Variants in PARP1 observed in about 807,000 individuals in gnomAD.
PARP1 encodes poly [ADP-ribose] polymerase 1.
In PARP1, 44 loss-of-function variants were observed where a neutral mutation model predicts 118.7. The ratio of observed to expected loss-of-function variants is 0.37; its 90% CI spans 0.29 to 0.48. The LOEUF (loss-of-function observed/expected upper bound fraction) is 0.48, where lower values mean the gene tolerates loss of function less well. PARP1 is among the 20% of genes least tolerant of loss of function. The probability of loss-of-function intolerance (pLI) is 0.99; values close to 1 mark genes in which losing one functional copy is unlikely to be tolerated. For synonymous variants in PARP1, 492 were observed against 483.2 expected, an observed-to-expected ratio of 1.02 and a Z score of -0.24; for missense variants, 1,100 against 1,272.4, an observed-to-expected ratio of 0.86 and a Z score of 2.06.
intron 8 of PARP1, among the ~76,000 whole-genome samples, chr1:226,382,452 T>C (rs1027940493): frequency 6.6e-6 from 1 of 152,196 alleles, no homozygotes; most frequent in African/African-American, 2.4e-5. Flanking sequence ...CAACTCCAGG[T>C]AAGGCTGTCG....
intron 17 of PARP1, chr1:226,367,035 G>A (rs1557059): frequency 3.8e-6 from 1 of 264,810 alleles, no homozygotes; most frequent in Non-Finnish European, 7.3e-6. Context: ...AAAAATGAAC[G>A]CAAGCATTGT....
chr1:226,379,784 C>A (rs900251941), intron 10 of PARP1, 138 bp downstream of exon 10: 94 of 1,436,680 alleles, frequency 6.5e-5, no homozygotes, highest in Non-Finnish European at 8.5e-5. Flanking sequence ...CACCCCAAAG[C>A]GCCTGCCATT....
At chr1:226,405,828 G>C (rs1163400137) in intron 1 of PARP1, among the ~76,000 whole-genome samples, 3 of 151,998 alleles carry the variant, frequency 2.0e-5, no homozygotes, top group African/African-American at 4.8e-5. Context: ...AAAAAGGCTC[G>C]CAAATGGCCA....
intron 13 of PARP1, among the ~76,000 whole-genome samples, chr1:226,375,980 A>G (rs1664479129): frequency 6.6e-6 from 1 of 152,204 alleles, no homozygotes; most frequent in Non-Finnish European, 1.5e-5. Flanking sequence ...GTGCCTTAGT[A>G]TTAATATTTC....
intron 8 of PARP1, among the ~76,000 whole-genome samples, chr1:226,382,679 G>A (rs1312964330): frequency 1.3e-5 from 2 of 152,122 alleles, no homozygotes; most frequent in African/African-American, 4.8e-5. Flanking sequence ...GCACATACTC[G>A]GATTAATTTT....
intron 5 of PARP1, 23 bp from the exon 6 acceptor site, chr1:226,386,465 G>A: frequency 7.0e-7 from 1 of 1,425,678 alleles, no homozygotes. Flanking sequence ...CCCAGTGGCT[G>A]AGAGGCTAGC....
At chr1:226,372,697 A>C (rs1664411964) in intron 14 of PARP1, among the ~76,000 whole-genome samples, 1 of 152,014 alleles carries the variant, frequency 6.6e-6, no homozygotes. Context: ...ACCAAACCAA[A>C]CACAAAACAA....
intron 4 of PARP1, among the ~76,000 whole-genome samples, chr1:226,389,404 T>A (rs1664781337): frequency 6.6e-6 from 1 of 152,234 alleles, no homozygotes. Flanking sequence ...CAGTCTCAGC[T>A]ATCACATAGA....
chr1:226,377,667 T>C (rs979303348), intron 12 of PARP1, among the ~76,000 whole-genome samples: 3 of 152,128 alleles, frequency 2.0e-5, no homozygotes, highest in Non-Finnish European at 4.4e-5. Flanking sequence ...AGTCAACCCT[T>C]ACAGCTGTAC....
intron 13 of PARP1, among the ~76,000 whole-genome samples, chr1:226,374,943 C>T (rs954669346): frequency 1.3e-5 from 2 of 152,322 alleles, no homozygotes; most frequent in East Asian, 1.9e-4. Context: ...ACTATTGAGA[C>T]TCCACCCCCC....
intron 3 of PARP1, 99 bp from the exon 4 acceptor site, chr1:226,390,723 C>T: frequency 8.8e-7 from 1 of 1,136,082 alleles, no homozygotes; most frequent in Non-Finnish European, 1.3e-6. Context: ...AGCTGAGGGT[C>T]CAAGCCAAGG....
intron 8 of PARP1, among the ~76,000 whole-genome samples, chr1:226,382,207 C>T (rs1664622750): frequency 6.6e-6 from 1 of 152,252 alleles, no homozygotes; most frequent in South Asian, 2.1e-4. Flanking sequence ...GACTATGCCA[C>T]ATGTCTCTGA....
At chr1:226,395,651 C>T (rs1664899343) in intron 2 of PARP1, among the ~76,000 whole-genome samples, 1 of 151,968 alleles carries the variant, frequency 6.6e-6, no homozygotes, top group Non-Finnish European at 1.5e-5. Context: ...TCAAAAAAAA[C>T]AAAAAACAAA....
intron 9 of PARP1, 101 bp from the exon 10 acceptor site, chr1:226,380,265 A>G: frequency 1.8e-6 from 2 of 1,122,872 alleles, no homozygotes; most frequent in Non-Finnish European, 2.7e-6. Context: ...CCAAACCCTC[A>G]GCATTCACAG....
chr1:226,375,183 T>C (rs1361942816), intron 13 of PARP1, among the ~76,000 whole-genome samples: 2 of 152,256 alleles, frequency 1.3e-5, no homozygotes, highest in Non-Finnish European at 2.9e-5. Flanking sequence ...TCATGGCTGC[T>C]GCTGTCACCT....
intron 12 of PARP1, among the ~76,000 whole-genome samples, chr1:226,378,307 T>G (rs1025454764): frequency 6.6e-6 from 1 of 151,834 alleles, no homozygotes; most frequent in Non-Finnish European, 1.5e-5. Context: ...AGGACCACTC[T>G]GCCTAGAAAC....
chr1:226,371,690 T>A (rs1664384397), intron 14 of PARP1, among the ~76,000 whole-genome samples: 1 of 152,114 alleles, frequency 6.6e-6, no homozygotes, highest in Non-Finnish European at 1.5e-5. Context: ...CTCAATCAGC[T>A]CTGAAAGCAA....
Position 226,379,927 on chromosome 1 carries a change from T to C in PARP1, c.1538A>G (p.Glu513Gly), listed in dbSNP as rs1365191227. 1.9e-6 allele frequency: 3 copies of C among 1,613,600 alleles called. No individual in the cohort carries two copies. Among genetic ancestry groups the C allele is most frequent in the Non-Finnish European group, 2.5e-6 (3 of 1,180,000 alleles). The change falls in exon 10 of 23, where the codon GAG becomes GGG. Residue 513 changes from glutamate to glycine, a missense_variant. By Grantham distance (98) the Glu-to-Gly change is moderately conservative. Transcript: ENST00000366794. ...GGGCAGCTTGGGGCCCTCACCTTCCTCCTTGACCTGGCCCTTGCTTTTTTT... is the reference window on the plus strand; with the variant it reads ...GGGCAGCTTGGGGCCCTCACCTTCCCCCTTGACCTGGCCCTTGCTTTTTTT... ...LSKKSKGQVK[E>G]EGINKSEKRM...
rs776941221 is a variant in PARP1, at chr1:226,377,268, G to A, written c.1781C>T (p.Thr594Met). Residue 594 changes from threonine (T) to methionine (M), a missense_variant, in exon 13 of 23, where the codon ACG becomes ATG. Thr to Met is a moderately conservative substitution (Grantham distance 81). Around this residue, in one of 2 missense-constraint regions of PARP1, gnomAD observed 948 missense variants for 1,031.8 expected, o/e 0.92. Transcript: ENST00000366794. ...TTCCAGTTTGTTGCTACCGATCACCGTACCCACACGGCCCCAGGACCTGAA... is the reference window on the plus strand; with the variant it reads ...TTCCAGTTTGTTGCTACCGATCACCATACCCACACGGCCCCAGGACCTGAA... ...WIFRSWGRVG[T>M]VIGSNKLEQM... 31 of 1,613,774 alleles carry A rather than the reference G, an allele frequency of 1.9e-5. No individual in the cohort carries two copies. Among genetic ancestry groups the A allele is most frequent in the East Asian group, 6.7e-5 (3 of 44,880 alleles).
Sources: gnomAD v4.1 joint callset for allele counts (sites outside exome capture counted in the v4.1 genomes callset) on GRCh38, gnomAD v4.1.1 for gene constraint, gnomAD v4.1.1 regional missense constraint, MANE v1.5 for transcripts, NCBI Gene and HGNC (gene_info 2026-07-23, HGNC 2026-07-21) for gene names.